The following MYO3B variants were observed in gnomAD, a reference collection of about 807,000 sequenced individuals.
MYO3B encodes myosin IIIB.
In MYO3B, 156 loss-of-function variants were observed where a neutral mutation model predicts 174.6. The observed-to-expected ratio is 0.89, with a 90% CI of 0.78 to 1.02. The LOEUF (loss-of-function observed/expected upper bound fraction) is 1.02, where lower values mean the gene tolerates loss of function less well. Among genes scored for constraint, MYO3B ranks in the 50% least tolerant of loss-of-function variants. MYO3B has a pLI of 0.00. For synonymous variants in MYO3B, 563 were observed against 569.1 expected, an observed-to-expected ratio of 0.99 and a Z score of 0.15; for missense variants, 1,632 against 1,639.4, an observed-to-expected ratio of 1.00 and a Z score of 0.08.
chr2:170,641,083 T>C (rs947829012), intron 32 of MYO3B: 3 of 152,178 alleles, frequency 2.0e-5, no homozygotes, highest in African/African-American at 7.2e-5. Flanking sequence ...CCTACTCCAA[T>C]AGACTGGCAA....
In MYO3B at chr2:170,224,662, G is replaced by A. The variant is rs183892528; in HGVS notation, c.603+7267G>A. ...GCAGCATCTTCCTAAAACAGCTAAC[G>A]GTCTGTTTCTGTACTGGAAAACAGA... On this transcript the variant is annotated intron_variant, in intron 6 of 34. Transcript: ENST00000408978. Among the ~76,000 whole-genome samples the A allele has an allele frequency of 1.2e-3, 181 of 151,978 alleles. 1 individual carries two copies. The highest frequency in any genetic ancestry group is 4.1e-3 in the African/African-American group (169 of 41,430).
intron 32 of MYO3B, among the ~76,000 whole-genome samples, chr2:170,592,258 A>G (rs1290514549): frequency 1.3e-5 from 2 of 152,190 alleles, no homozygotes; most frequent in Non-Finnish European, 2.9e-5. Context: ...ATCCCTAAAA[A>G]GCTTTATATT....
intron 8 of MYO3B, among the ~76,000 whole-genome samples, chr2:170,347,457 C>T (rs57738012): frequency 0.028 from 4,266 of 152,150 alleles, 76 homozygotes; most frequent in African/African-American, 0.046. Context: ...CAAAACTTAG[C>T]CAGGTGTGGT....
chr2:170,370,718 C>G (rs2094236205), intron 9 of MYO3B, among the ~76,000 whole-genome samples: 1 of 150,060 alleles, frequency 6.7e-6, no homozygotes, highest in Non-Finnish European at 1.5e-5. Context: ...AAAGAAAATA[C>G]AAACCAAGCA....
intron 14 of MYO3B, 29 bp from the exon 15 acceptor site, chr2:170,391,491 A>T: frequency 8.8e-7 from 1 of 1,141,610 alleles, no homozygotes; most frequent in Non-Finnish European, 1.2e-6. Context: ...GCCAGAATAT[A>T]TTATTACTAA....
rs1225654742 is a variant in MYO3B, at chr2:170,573,553, G to T, written c.3733+29565G>T. On this transcript the variant is annotated intron_variant, in intron 32 of 34. Coordinates refer to ENST00000408978, the MANE Select transcript of MYO3B (RefSeq NM_138995.5). ...CCTTATAAATAATCAGAAATAATTTGTGCTATTTAGTGGCATACAAATGCC... is the reference window on the plus strand; with the variant it reads ...CCTTATAAATAATCAGAAATAATTTTTGCTATTTAGTGGCATACAAATGCC... Among the ~76,000 whole-genome samples, 61 of 152,026 alleles carry T rather than the reference G, an allele frequency of 4.0e-4. 1 individual carries two copies. Among genetic ancestry groups the T allele is most frequent in the Admixed American group, 4.0e-3 (61 of 15,256 alleles).
At chr2:170,201,340 T>C (rs1019790189) in intron 3 of MYO3B, among the ~76,000 whole-genome samples, 3 of 152,360 alleles carry the variant, frequency 2.0e-5, no homozygotes, top group Non-Finnish European at 4.4e-5. Context: ...CATGTCTCCA[T>C]GTCTGAGGTC....
chr2:170,185,473 T>C (rs1262617830), intron 1 of MYO3B, among the ~76,000 whole-genome samples: 1 of 152,232 alleles, frequency 6.6e-6, no homozygotes, highest in East Asian at 1.9e-4. Flanking sequence ...GATTTGTTTC[T>C]GTGTTCTCTA....
intron 30 of MYO3B, among the ~76,000 whole-genome samples, chr2:170,523,850 G>A (rs1369075298): frequency 1.3e-5 from 2 of 152,170 alleles, no homozygotes; most frequent in Admixed American, 6.5e-5. Flanking sequence ...AGTCACCCAG[G>A]AGACTTTTCT....
intron 14 of MYO3B, among the ~76,000 whole-genome samples, chr2:170,387,523 TG>T (rs1320970272): frequency 6.6e-6 from 1 of 152,132 alleles, no homozygotes; most frequent in Non-Finnish European, 1.5e-5. Context: ...GCTTTAGGGA[TG>T]GGTATGCTTG....
chr2:170,411,077 C>A (rs1476675922), intron 22 of MYO3B, among the ~76,000 whole-genome samples: 1 of 152,252 alleles, frequency 6.6e-6, no homozygotes, highest in Admixed American at 6.5e-5. Context: ...ATTTCTTTAT[C>A]GAAGGATTCC....
intron 25 of MYO3B, among the ~76,000 whole-genome samples, chr2:170,472,667 T>TTTTTTTTA (rs1559035087): frequency 2.2e-5 from 3 of 136,416 alleles, no homozygotes; most frequent in East Asian, 2.1e-4. Flanking sequence ...TCAGCTCACT[T>TTTTTTTTA]TTTATCTATT....
chr2:170,559,029 A>T (rs1691535575), intron 32 of MYO3B, among the ~76,000 whole-genome samples: 1 of 152,194 alleles, frequency 6.6e-6, no homozygotes, highest in Non-Finnish European at 1.5e-5. Context: ...TTTCATTTTT[A>T]TTTGAGGAAG....
chr2:170,197,658 C>G (rs958326122), intron 1 of MYO3B, among the ~76,000 whole-genome samples: 3 of 152,112 alleles, frequency 2.0e-5, no homozygotes, highest in Admixed American at 6.6e-5. Flanking sequence ...GCCATCTCAC[C>G]CCAGAAGTCA....
At chr2:170,193,341 A>G (rs948797236) in intron 1 of MYO3B, among the ~76,000 whole-genome samples, 3 of 151,706 alleles carry the variant, frequency 2.0e-5, no homozygotes, top group Non-Finnish European at 4.4e-5. Context: ...CTCTTTTCTG[A>G]TATTAATATT....
At chr2:170,625,697 A>G (rs921096712) in intron 32 of MYO3B, among the ~76,000 whole-genome samples, 12 of 151,772 alleles carry the variant, frequency 7.9e-5, no homozygotes, top group African/African-American at 1.2e-4. Context: ...ATTTAGTGCT[A>G]TAAGTTTCCC....
chr2:170,234,787 C>A (rs1272536919), intron 6 of MYO3B, among the ~76,000 whole-genome samples: 1 of 152,190 alleles, frequency 6.6e-6, no homozygotes, highest in Non-Finnish European at 1.5e-5. Flanking sequence ...GCTCTCCTTT[C>A]TTCTAAGCCC....
At chr2:170,247,062 G>C (rs1003146330) in intron 7 of MYO3B, among the ~76,000 whole-genome samples, 5 of 152,202 alleles carry the variant, frequency 3.3e-5, no homozygotes, top group African/African-American at 1.2e-4. Context: ...CCTTGCACCA[G>C]ACAGCTGAGC....
intron 32 of MYO3B, among the ~76,000 whole-genome samples, chr2:170,608,506 T>G (rs975736057): frequency 3.3e-5 from 5 of 152,182 alleles, no homozygotes; most frequent in Non-Finnish European, 7.3e-5. Flanking sequence ...ATTTCTCTTA[T>G]CCCCTCCTTT....
Sources: gnomAD v4.1 joint callset for allele counts (sites outside exome capture counted in the v4.1 genomes callset) on GRCh38, gnomAD v4.1.1 for gene constraint, MANE v1.5 for transcripts, NCBI Gene and HGNC (gene_info 2026-07-23, HGNC 2026-07-21) for gene names.